ROR1: variants seen among roughly 807,000 people sequenced by gnomAD.
ROR1 encodes inactive tyrosine-protein kinase transmembrane receptor ROR1.
ROR1 carries 19 observed loss-of-function variants against 78.8 expected under a neutral mutation model. The observed-to-expected ratio is 0.24, with a 90% CI of 0.17 to 0.35. The LOEUF (loss-of-function observed/expected upper bound fraction) is 0.35. Ranked by LOEUF, ROR1 falls within the 10% of genes least tolerant of loss-of-function variation. The pLI, the probability that ROR1 is intolerant of heterozygous loss-of-function variation, is 1.00. For missense variants in ROR1, 917 were observed against 1,177.8 expected, an observed-to-expected ratio of 0.78 and a Z score of 3.24; for synonymous variants, 386 against 433.6, an observed-to-expected ratio of 0.89 and a Z score of 1.36.
intron 1 of ROR1, among the ~76,000 whole-genome samples, chr1:63,912,864 T>C (rs1361137856): frequency 6.6e-6 from 1 of 152,182 alleles, no homozygotes; most frequent in African/African-American, 2.4e-5. Flanking sequence ...GACACAGATA[T>C]CCTTTATCTT....
Position 64,053,787 on chromosome 1 carries a change from T to C in ROR1, c.482+3071T>C, listed in dbSNP as rs529383021. ...GGATGTTTTGTTCATGGGCCAAAGA[T>C]ATCATATATAATTCATAGATTGTTA... is the stretch of plus-strand genomic sequence containing the variant. On this transcript the variant is annotated intron_variant, in intron 4 of 8. Transcript: ENST00000371079. 7.9e-4 allele frequency among the ~76,000 whole-genome samples: 120 copies of C among 152,314 alleles called. 1 individual carries two copies. The Middle Eastern group carries it at 0.01, about 13-fold the overall frequency.
intron 4 of ROR1, among the ~76,000 whole-genome samples, chr1:64,067,348 CA>C (rs1051420849): frequency 1.6e-5 from 2 of 128,968 alleles, no homozygotes; most frequent in African/African-American, 5.9e-5. Flanking sequence ...CCCTGTCTCA[CA>C]AAAAAATAAA....
At chr1:64,160,424 ACC>A (rs1179244582) in intron 8 of ROR1, among the ~76,000 whole-genome samples, 1 of 151,998 alleles carries the variant, frequency 6.6e-6, no homozygotes, top group African/African-American at 2.4e-5. Context: ...ATTCAGCAAA[ACC>A]ACTGATCTCT....
In ROR1 at chr1:63,981,390, G is replaced by A. The variant is rs148109037; in HGVS notation, c.92-27915G>A. On this transcript the variant is annotated intron_variant, in intron 1 of 8. Coordinates refer to ENST00000371079, the MANE Select transcript of ROR1 (RefSeq NM_005012.4). ...AGGGTGGCATTGGGGTGGAAGCCCA[G>A]GAAGGCTGAAGCTTCCCAGGTGGGG... 8.5e-5 allele frequency among the ~76,000 whole-genome samples: 13 copies of A among 152,242 alleles called. No homozygotes were observed. In the East Asian group the frequency reaches 2.5e-3, roughly 30 times the overall value.
chr1:63,860,299 A>G (rs983847315), intron 1 of ROR1, among the ~76,000 whole-genome samples: 1 of 152,140 alleles, frequency 6.6e-6, no homozygotes, highest in African/African-American at 2.4e-5. Context: ...TAACTTTCCT[A>G]TCTGTAAGGA....
At chr1:63,851,969 G>A (rs1049711481) in intron 1 of ROR1, among the ~76,000 whole-genome samples, 3 of 152,194 alleles carry the variant, frequency 2.0e-5, no homozygotes, top group Admixed American at 6.5e-5. Context: ...TTTGAGCTTC[G>A]CTCATTGGAT....
intron 1 of ROR1, among the ~76,000 whole-genome samples, chr1:63,969,532 G>T (rs1646102048): frequency 6.6e-6 from 1 of 152,102 alleles, no homozygotes; most frequent in African/African-American, 2.4e-5. Flanking sequence ...AAGTTGGCTT[G>T]TTCAAAACTG....
intron 1 of ROR1, among the ~76,000 whole-genome samples, chr1:63,859,588 AG>A (rs1289696103): frequency 6.6e-6 from 1 of 152,170 alleles, no homozygotes; most frequent in Non-Finnish European, 1.5e-5. Context: ...ACATGGGTAA[AG>A]CTTGGAGCTT....
chr1:63,827,807 C>A (rs1644964873), intron 1 of ROR1, among the ~76,000 whole-genome samples: 2 of 152,144 alleles, frequency 1.3e-5, no homozygotes, highest in African/African-American at 4.8e-5. Flanking sequence ...TGCTTGTGTT[C>A]TCCATTTCCA....
At chr1:63,916,999 C>G (rs887631893) in intron 1 of ROR1, among the ~76,000 whole-genome samples, 2 of 152,142 alleles carry the variant, frequency 1.3e-5, no homozygotes, top group Non-Finnish European at 2.9e-5. Flanking sequence ...GCGTGTGAGC[C>G]CTTCTGCTCC....
chr1:63,819,257 A>T (rs1205180442), intron 1 of ROR1, among the ~76,000 whole-genome samples: 2 of 152,172 alleles, frequency 1.3e-5, no homozygotes, highest in Non-Finnish European at 2.9e-5. Flanking sequence ...TTTTCTTTTC[A>T]TGGTAGGATC....
intron 4 of ROR1, among the ~76,000 whole-genome samples, chr1:64,114,745 A>C (rs769055898): frequency 6.6e-6 from 1 of 152,114 alleles, no homozygotes; most frequent in Admixed American, 6.5e-5. Flanking sequence ...AGGGAATCAT[A>C]GGGCCATCCA....
At chr1:64,034,200 T>C (rs1646683271) in intron 2 of ROR1, among the ~76,000 whole-genome samples, 1 of 147,200 alleles carries the variant, frequency 6.8e-6, no homozygotes, top group Non-Finnish European at 1.5e-5. Context: ...TTTTTTTTTA[T>C]TATCCTGAGA....
At chr1:64,138,799 G>C (rs910167203) in intron 5 of ROR1, among the ~76,000 whole-genome samples, 1 of 152,074 alleles carries the variant, frequency 6.6e-6, no homozygotes, top group Non-Finnish European at 1.5e-5. Context: ...GGGAGGAGCT[G>C]TTAAACACCC....
At chr1:63,830,273 G>A (rs1023513310) in intron 1 of ROR1, among the ~76,000 whole-genome samples, 1 of 152,188 alleles carries the variant, frequency 6.6e-6, no homozygotes, top group Non-Finnish European at 1.5e-5. Context: ...ATAAGGTGGT[G>A]GAGAAGAGGC....
intron 4 of ROR1, among the ~76,000 whole-genome samples, chr1:64,083,155 T>C (rs1647117833): frequency 6.6e-6 from 1 of 152,140 alleles, no homozygotes; most frequent in Admixed American, 6.6e-5. Context: ...GTCTTGTAAT[T>C]GGGAAGAGAA....
chr1:63,817,364 C>T (rs1043705273), intron 1 of ROR1, among the ~76,000 whole-genome samples: 1 of 152,198 alleles, frequency 6.6e-6, no homozygotes, highest in African/African-American at 2.4e-5. Flanking sequence ...TGAGCTTTAA[C>T]TTAAAATTTT....
At chr1:63,826,120 G>T (rs1367511883) in intron 1 of ROR1, among the ~76,000 whole-genome samples, 7 of 152,148 alleles carry the variant, frequency 4.6e-5, no homozygotes, top group Non-Finnish European at 8.8e-5. Flanking sequence ...AAGTTCAGGG[G>T]TACATGCACA....
At chr1:63,867,922 G>A (rs932042472) in intron 1 of ROR1, among the ~76,000 whole-genome samples, 21 of 152,180 alleles carry the variant, frequency 1.4e-4, no homozygotes, top group Non-Finnish European at 2.8e-4. Flanking sequence ...GGTTACTGCC[G>A]AGCATGGCCA....
Sources: gnomAD v4.1 joint callset for allele counts (sites outside exome capture counted in the v4.1 genomes callset) on GRCh38, gnomAD v4.1.1 for gene constraint, MANE v1.5 for transcripts, NCBI Gene and HGNC (gene_info 2026-07-23, HGNC 2026-07-21) for gene names.